The following ZMPSTE24 variants were observed in gnomAD, a reference collection of about 807,000 sequenced individuals.
The protein encoded by ZMPSTE24 is CAAX prenyl protease 1 homolog.
In ZMPSTE24, 48 loss-of-function variants were observed where a neutral mutation model predicts 56.7. The observed-to-expected ratio is 0.85, with a 90% CI of 0.67 to 1.08. The LOEUF (loss-of-function observed/expected upper bound fraction) is 1.08, where lower values mean the gene tolerates loss of function less well. Among genes scored for constraint, ZMPSTE24 ranks in the 50% least tolerant of loss-of-function variants. The pLI is 0.00. For missense variants in ZMPSTE24, 503 were observed against 548.7 expected, an observed-to-expected ratio of 0.92 and a Z score of 0.83; for synonymous variants, 172 against 195.2, an observed-to-expected ratio of 0.88 and a Z score of 0.99.
chr1:40,282,562 G>A (rs553208543), intron 7 of ZMPSTE24, among the ~76,000 whole-genome samples: 138 of 152,196 alleles, frequency 9.1e-4, no homozygotes, highest in Non-Finnish European at 1.4e-3. Flanking sequence ...CAGGCTGGTC[G>A]AACTGCTGGC....
At chr1:40,261,369 T>C (rs1023337248) in intron 2 of ZMPSTE24, among the ~76,000 whole-genome samples, 1 of 152,026 alleles carries the variant, frequency 6.6e-6, no homozygotes, top group African/African-American at 2.4e-5. Context: ...TTTTTTCTTC[T>C]GGCACAGTCT....
chr1:40,276,934 A>G (rs931611491), intron 6 of ZMPSTE24, among the ~76,000 whole-genome samples: 2 of 152,212 alleles, frequency 1.3e-5, no homozygotes, highest in African/African-American at 2.4e-5. Context: ...TGAGGTCACT[A>G]GGTGATAGGA....
chr1:40,269,073 CAAAAAAAAAAAA>C (rs60201234), intron 4 of ZMPSTE24, among the ~76,000 whole-genome samples: 55 of 46,234 alleles, frequency 1.2e-3, no homozygotes, highest in East Asian at 6.9e-3. Context: ...GACTCCGTCT[CAAAAAAAAAAAA>C]AAAAAAAAAA....
Position 40,272,048 on chromosome 1 carries a change from G to A in ZMPSTE24, c.769+13G>A. The A allele has an allele frequency of 1.3e-6, 2 of 1,587,788 alleles. No homozygotes were observed. The highest frequency in any genetic ancestry group is 1.3e-5 in the African/African-American group (1 of 74,304). ...TATGTTGTGGAAGGTAAGGCTACCT[G>A]GGGATAAGAAAGTTTTATCCAAGTG... On this transcript the variant is annotated intron_variant, in intron 6 of 9. Transcript: ENST00000372759.
At position 40,290,940 on chromosome 1, in the gene ZMPSTE24, A is replaced by C; in HGVS notation, c.1146A>C (p.Gln382His). The C allele has an allele frequency of 5.0e-6, 8 of 1,613,996 alleles. No homozygotes were observed. Among genetic ancestry groups the C allele is most frequent in the Non-Finnish European group, 6.8e-6 (8 of 1,179,988 alleles). Residue 382 changes from glutamine (Q) to histidine (H), a missense_variant, in exon 9 of 10, where the codon CAA (glutamine) becomes CAC (histidine). Transcript: ENST00000372759. ...LFAAFGFYDS[Q>H]PTLIGLLIIF... ...CTGCATTTGGTTTTTATGATAGCCA[A>C]CCCACTCTTATTGGACTATTGATCA...
At chr1:40,271,859 C>T (rs773169858) in intron 5 of ZMPSTE24, 35 bp from the exon 6 acceptor site, 16 of 1,608,652 alleles carry the variant, frequency 9.9e-6, no homozygotes, top group African/African-American at 1.3e-5. Context: ...TCTTTAAGAA[C>T]ATGTTCATAT....
At chr1:40,262,561 T>G (rs1015469858) in intron 2 of ZMPSTE24, 19 of 156,674 alleles carry the variant, frequency 1.2e-4, no homozygotes, top group African/African-American at 4.6e-4. Flanking sequence ...AAAGAGAGTT[T>G]ACTTATGTAT....
At chr1:40,274,780 G>A (rs1643651913) in intron 6 of ZMPSTE24, among the ~76,000 whole-genome samples, 1 of 152,196 alleles carries the variant, frequency 6.6e-6, no homozygotes, top group South Asian at 2.1e-4. Context: ...AAAAGTCTAG[G>A]TAGGACATAA....
At chr1:40,262,667 A>T in intron 2 of ZMPSTE24, 1 of 231,028 alleles carries the variant, frequency 4.3e-6, no homozygotes, top group Non-Finnish European at 7.8e-6. Context: ...AAGATCTTAA[A>T]TGTATCATTC....
chr1:40,263,730 C>CTTT (rs1282418065), intron 2 of ZMPSTE24, among the ~76,000 whole-genome samples: 4 of 124,176 alleles, frequency 3.2e-5, no homozygotes, highest in Admixed American at 1.6e-4. Context: ...TTAGCTTCGA[C>CTTT]TTTTTTTTTT....
intron 2 of ZMPSTE24, among the ~76,000 whole-genome samples, chr1:40,261,485 G>A (rs899277759): frequency 6.6e-5 from 10 of 151,948 alleles, no homozygotes; most frequent in African/African-American, 2.2e-4. Flanking sequence ...GAGTAGTTGG[G>A]ACTACAGTTG....
At chr1:40,281,613 G>C (rs1230677045) in intron 7 of ZMPSTE24, 86 bp downstream of exon 7, 1 of 1,393,124 alleles carries the variant, frequency 7.2e-7, no homozygotes, top group Non-Finnish European at 1.0e-6. Context: ...TTTCTAGGCA[G>C]TGAGTGTTGA....
At chr1:40,266,301 A>G (rs1399978215) in intron 2 of ZMPSTE24, among the ~76,000 whole-genome samples, 1 of 152,166 alleles carries the variant, frequency 6.6e-6, no homozygotes, top group African/African-American at 2.4e-5. Context: ...AAGGAATGTG[A>G]TTGATCATTG....
intron 7 of ZMPSTE24, among the ~76,000 whole-genome samples, chr1:40,284,891 T>C (rs565441131): frequency 6.6e-5 from 10 of 151,616 alleles, no homozygotes; most frequent in Non-Finnish European, 1.5e-4. Flanking sequence ...TCTTACTTTC[T>C]TCACCTAATC....
intron 1 of ZMPSTE24, among the ~76,000 whole-genome samples, chr1:40,258,775 G>A (rs1055828858): frequency 3.3e-5 from 5 of 152,094 alleles, no homozygotes; most frequent in South Asian, 4.1e-4. Flanking sequence ...CCTAACCATA[G>A]GATTTTGCAG....
chr1:40,268,621 T>G, intron 4 of ZMPSTE24, 86 bp downstream of exon 4: 2 of 903,198 alleles, frequency 2.2e-6, no homozygotes, highest in Non-Finnish European at 3.4e-6. Context: ...TAAACATAAT[T>G]TACTATTTCA....
At position 40,290,914 on chromosome 1, in the gene ZMPSTE24, G is replaced by C. The variant is rs775827561; in HGVS notation, c.1120G>C (p.Ala374Pro). 5 of 1,613,644 alleles carry C rather than the reference G, an allele frequency of 3.1e-6. No homozygotes were observed. The highest frequency in any genetic ancestry group is 4.2e-6 in the Non-Finnish European group (5 of 1,179,926). ...ATTAATTGGTCGAAAGGAGCTTTTT[G>C]CTGCATTTGGTTTTTATGATAGCCA... is the stretch of plus-strand genomic sequence containing the variant. ...AVLIGRKELF[A>P]AFGFYDSQPT... Residue 374 changes from alanine (A) to proline (P), a missense_variant, in exon 9 of 10, where the codon GCT (alanine) becomes CCT (proline). Ala to Pro is a conservative substitution (Grantham distance 27). Coordinates refer to ENST00000372759, the MANE Select transcript of ZMPSTE24 (RefSeq NM_005857.5).
intron 2 of ZMPSTE24, among the ~76,000 whole-genome samples, chr1:40,261,586 A>G (rs933519034): frequency 1.8e-4 from 27 of 152,212 alleles, no homozygotes; most frequent in African/African-American, 6.3e-4. Context: ...GCAGACTGGT[A>G]GTTCCTTAAA....
intron 6 of ZMPSTE24, among the ~76,000 whole-genome samples, chr1:40,279,950 C>T (rs865945442): frequency 1.3e-5 from 2 of 152,096 alleles, no homozygotes; most frequent in Admixed American, 6.6e-5. Context: ...AGCTGGTCAT[C>T]GCCCGTTGTT....
Sources: allele counts gnomAD v4.1 joint callset (sites outside exome capture counted in the v4.1 genomes callset), GRCh38; gene constraint gnomAD v4.1.1; transcripts MANE v1.5; gene names NCBI Gene and HGNC (gene_info 2026-07-23, HGNC 2026-07-21).